The following KLF12 variants were observed in gnomAD, a reference collection of about 807,000 sequenced individuals.
The protein encoded by KLF12 is KLF transcription factor 12, also known as Krueppel-like factor 12.
Under a neutral mutation model 37.8 loss-of-function variants are expected in KLF12, and 9 were observed. The ratio of observed to expected loss-of-function variants is 0.24; its 90% CI spans 0.14 to 0.42. The LOEUF is 0.42. KLF12 is among the 10% of genes least tolerant of loss of function. The pLI is 1.00. For synonymous variants in KLF12, 208 were observed against 202.1 expected (o/e 1.03, Z -0.25); for missense variants, 411 against 516.0 (o/e 0.80, Z 1.97).
the KLF12 span, among the ~76,000 whole-genome samples, chr13:74,303,196 A>G: frequency 3.3e-5 from 5 of 152,242 alleles, no homozygotes; most frequent in African/African-American, 1.2e-4. Context: ...GAGAACTGAA[A>G]GCTCTTTGAG....
chr13:73,804,648 A>G (rs1031731921), intron 5 of KLF12, among the ~76,000 whole-genome samples: 3 of 152,146 alleles, frequency 2.0e-5, no homozygotes, highest in East Asian at 1.9e-4. Context: ...CAGTCAATCA[A>G]AGCTTTTTCT....
intron 2 of KLF12, among the ~76,000 whole-genome samples, chr13:73,971,172 C>A (rs1029830880): frequency 2.6e-5 from 4 of 152,224 alleles, no homozygotes; most frequent in Non-Finnish European, 5.9e-5. Context: ...AAAATGCAAT[C>A]AAACAAGGAG....
Position 73,691,500 on chromosome 13 carries a change from G to A in KLF12, c.*3990C>T, listed in dbSNP as rs1873818726. The stretch of plus-strand genomic sequence containing the variant: ...TCTGGGCCTATTATGATTCATAAGA[G>A]TTACCTCACATTCAGTCCCTTATAC... On this transcript the variant is annotated 3_prime_UTR_variant, in exon 8 of 8. Coordinates refer to ENST00000377669, the MANE Select transcript of KLF12 (RefSeq NM_007249.5). The A allele has an allele frequency of 6.6e-6, 1 of 152,610 alleles. No homozygotes were observed. Among genetic ancestry groups the A allele is most frequent in the Non-Finnish European group, 1.5e-5 (1 of 68,040 alleles). 9.5% of individuals were successfully genotyped at this position (152,610 alleles called of 1,614,324 possible).
At chr13:73,923,129 T>A (rs180705108) in intron 3 of KLF12, among the ~76,000 whole-genome samples, 7 of 152,348 alleles carry the variant, frequency 4.6e-5, no homozygotes, top group Admixed American at 3.3e-4. Flanking sequence ...GTATTTTTTT[T>A]ATCTTCTAAA....
At chr13:74,001,597 G>C (rs1375888063) in intron 1 of KLF12, among the ~76,000 whole-genome samples, 1 of 152,178 alleles carries the variant, frequency 6.6e-6, no homozygotes, top group East Asian at 1.9e-4. Context: ...ATTGTTGCCT[G>C]TATGCTTGGG....
In KLF12 at chr13:73,813,101, C is replaced by G. The variant is rs139357519; in HGVS notation, c.806+51G>C. ...CAGGAGATGCTGCAGTTTCCATTAT[C>G]CATTGAACACCTTGGCAATTCTTAA... On this transcript the variant is annotated intron_variant, in intron 5 of 7. Coordinates refer to ENST00000377669, the MANE Select transcript of KLF12 (RefSeq NM_007249.5). 298 of 1,592,806 alleles carry G rather than the reference C, an allele frequency of 1.9e-4. 1 individual carries two copies. The East Asian group carries it at 6.0e-3, about 32-fold the overall frequency.
chr13:73,922,423 C>A (rs1197248236), intron 3 of KLF12, among the ~76,000 whole-genome samples: 1 of 151,956 alleles, frequency 6.6e-6, no homozygotes, highest in Non-Finnish European at 1.5e-5. Flanking sequence ...GCTGCACAGC[C>A]AAAGAGAAAT....
intron 3 of KLF12, among the ~76,000 whole-genome samples, chr13:73,928,826 A>G (rs1889529409): frequency 6.6e-6 from 1 of 152,224 alleles, no homozygotes; most frequent in South Asian, 2.1e-4. Flanking sequence ...TATTAATTAC[A>G]GCTGTCCTCA....
intron 5 of KLF12, among the ~76,000 whole-genome samples, chr13:73,778,616 C>T (rs910467607): frequency 2.0e-5 from 3 of 152,150 alleles, no homozygotes; most frequent in Admixed American, 1.3e-4. Flanking sequence ...CTGCCTGTCT[C>T]GGCCTCCGAA....
At chr13:73,842,004 GCT>G in intron 4 of KLF12, among the ~76,000 whole-genome samples, 1 of 152,206 alleles carries the variant, frequency 6.6e-6, no homozygotes, top group Middle Eastern at 3.4e-3. Context: ...GGTGTTCTGT[GCT>G]AGCTGACAAC....
intron 1 of KLF12, among the ~76,000 whole-genome samples, chr13:74,132,316 T>C (rs1284460744): frequency 6.6e-6 from 1 of 152,212 alleles, no homozygotes; most frequent in Admixed American, 6.5e-5. Flanking sequence ...GAAAAGGGCA[T>C]GGAGGCGTCT....
intron 5 of KLF12, among the ~76,000 whole-genome samples, chr13:73,777,166 T>A (rs1003539596): frequency 1.4e-4 from 21 of 152,084 alleles, no homozygotes; most frequent in African/African-American, 4.3e-4. Flanking sequence ...TGTCCTAAGA[T>A]ACAGCTTTTG....
chr13:73,730,406 C>T (rs1024743551), intron 6 of KLF12, among the ~76,000 whole-genome samples: 8 of 152,120 alleles, frequency 5.3e-5, no homozygotes, highest in South Asian at 2.1e-4. Flanking sequence ...CTAGGAAGTA[C>T]GGGCAGGGCT....
intron 1 of KLF12, among the ~76,000 whole-genome samples, chr13:74,128,089 G>A (rs563575000): frequency 3.9e-5 from 6 of 152,246 alleles, no homozygotes; most frequent in Non-Finnish European, 7.4e-5. Flanking sequence ...CATGTGAACT[G>A]TAATTTCATG....
the KLF12 span, among the ~76,000 whole-genome samples, chr13:74,161,810 T>A: frequency 2.6e-5 from 4 of 152,196 alleles, no homozygotes; most frequent in Non-Finnish European, 4.4e-5. Context: ...CTTTTCTTCT[T>A]GAATGCTCCA....
At chr13:74,296,747 A>G in the KLF12 span, among the ~76,000 whole-genome samples, 1 of 152,176 alleles carries the variant, frequency 6.6e-6, no homozygotes. Flanking sequence ...CAAATCACAT[A>G]AGAGAGCTTA....
intron 1 of KLF12, among the ~76,000 whole-genome samples, chr13:74,088,833 T>C (rs1875477394): frequency 6.6e-6 from 1 of 152,188 alleles, no homozygotes; most frequent in Admixed American, 6.5e-5. Flanking sequence ...TGAAAGCACT[T>C]TGAACTGTTA....
At chr13:74,129,466 G>A (rs1021115977) in intron 1 of KLF12, among the ~76,000 whole-genome samples, 17 of 152,222 alleles carry the variant, frequency 1.1e-4, no homozygotes, top group Admixed American at 4.6e-4. Context: ...GGTAGTTATC[G>A]TGGTAGCTTC....
intron 5 of KLF12, among the ~76,000 whole-genome samples, chr13:73,797,396 C>T (rs578206083): frequency 6.6e-6 from 1 of 152,154 alleles, no homozygotes; most frequent in Non-Finnish European, 1.5e-5. Flanking sequence ...TTAGTTATCA[C>T]CAAAACTATC....
Sources: allele counts gnomAD v4.1 joint callset (sites outside exome capture counted in the v4.1 genomes callset), GRCh38; gene constraint gnomAD v4.1.1; transcripts MANE v1.5; gene names NCBI Gene and HGNC (gene_info 2026-07-23, HGNC 2026-07-21).